Variants in ACACB observed in about 807,000 individuals in gnomAD.
ACACB encodes the protein acetyl-CoA carboxylase 2.
Under a neutral mutation model 278.8 loss-of-function variants are expected in ACACB, and 209 were observed. The ratio of observed to expected loss-of-function variants is 0.75; its 90% confidence interval spans 0.67 to 0.84. The LOEUF (loss-of-function observed/expected upper bound fraction) is 0.84, where lower values mean the gene tolerates loss of function less well. Ranked by LOEUF, ACACB falls within the 40% of genes least tolerant of loss-of-function variation. The pLI is 0.00. For synonymous variants in ACACB, 1,174 were observed against 1,285.6 expected (o/e 0.91, Z 1.86); for missense variants, 2,850 against 3,269.0 (o/e 0.87, Z 3.13).
chr12:109,212,996 C>G, intron 22 of ACACB, 60 bp downstream of exon 22: 1 of 1,466,498 alleles, frequency 6.8e-7, no homozygotes. Flanking sequence ...ATGCATTGCA[C>G]CAGGGTGGTG....
intron 42 of ACACB, 181 bp downstream of exon 42, chr12:109,252,337 T>A: frequency 2.1e-6 from 1 of 479,146 alleles, no homozygotes; most frequent in Non-Finnish European, 3.7e-6. Flanking sequence ...AAAAAATTAG[T>A]TTTAGGCAAT....
Position 109,188,090 on chromosome 12 carries a change from G to A in ACACB, c.2072G>A (p.Gly691Asp). 6.2e-7 allele frequency: 1 copy of A among 1,613,558 alleles called. No homozygotes were observed. Among genetic ancestry groups the A allele is most frequent in the Non-Finnish European group, 8.5e-7 (1 of 1,179,518 alleles). Reference sequence around the variant, plus strand: ...TACTTCAGCGTGGCCGCTACTGGAGGCCTGCACGAGTTTGCGGATTCCCAA... The same window carrying A: ...TACTTCAGCGTGGCCGCTACTGGAGACCTGCACGAGTTTGCGGATTCCCAA... ...WGYFSVAATG[G>D]LHEFADSQFG... Residue 691 changes from glycine (G) to aspartate (D), a missense_variant, in exon 13 of 53, where the codon GGC becomes GAC. Coordinates refer to ENST00000338432, the MANE Select transcript of ACACB (RefSeq NM_001093.4).
chr12:109,169,408 G>C (rs576181863), intron 4 of ACACB, among the ~76,000 whole-genome samples: 1 of 152,162 alleles, frequency 6.6e-6, no homozygotes, highest in African/African-American at 2.4e-5. Context: ...CATGTGATGC[G>C]GGTGGGATGG....
At chr12:109,152,560 C>T (rs2043401691) in intron 2 of ACACB, among the ~76,000 whole-genome samples, 4 of 151,204 alleles carry the variant, frequency 2.6e-5, no homozygotes, top group Admixed American at 1.3e-4. Flanking sequence ...TAAACAGGGG[C>T]CCAGGGTGTT....
At chr12:109,191,371 G>T in intron 13 of ACACB, 1 of 382,894 alleles carries the variant, frequency 2.6e-6, no homozygotes, top group Non-Finnish European at 5.0e-6. Flanking sequence ...CCTCCACCAT[G>T]CTGAGCTAAG....
At chr12:109,236,157 G>T (rs527718341) in intron 33 of ACACB, 1 of 156,046 alleles carries the variant, frequency 6.4e-6, no homozygotes, top group South Asian at 2.0e-4. Context: ...TGATATTCAT[G>T]AAGAATATAG....
chr12:109,144,810 G>A (rs1193404496), intron 2 of ACACB, among the ~76,000 whole-genome samples: 1 of 134,632 alleles, frequency 7.4e-6, no homozygotes, highest in African/African-American at 2.8e-5. Flanking sequence ...GCTGGAGGCT[G>A]GAGTGCAATG....
At chr12:109,247,527 T>G (rs1364568011) in intron 39 of ACACB, 79 bp from the exon 40 acceptor site, 1 of 961,096 alleles carries the variant, frequency 1.0e-6, no homozygotes, top group Non-Finnish European at 1.7e-6. Flanking sequence ...ATCCCTACGA[T>G]GTTCACATTA....
chr12:109,250,873 G>A (rs143536777), intron 41 of ACACB, among the ~76,000 whole-genome samples: 1 of 152,298 alleles, frequency 6.6e-6, no homozygotes, highest in Non-Finnish European at 1.5e-5. Context: ...GGCAACCTGA[G>A]AGATCCAAGT....
chr12:109,167,936 T>C lies in ACACB; in HGVS notation c.827T>C (p.Met276Thr), dbSNP rs368005004. ...AACGGGATTGCCGCCGTGAAGTGCA[T>C]GCGCTCCATCCGCAGGTGGGCCTAT... Reference protein sequence around the residue: ...ANNGIAAVKCMRSIRRWAYEM... With the variant: ...ANNGIAAVKCTRSIRRWAYEM... The change falls in exon 4 of 53, where the codon ATG (methionine) becomes ACG (threonine). Residue 276 changes from methionine (M) to threonine (T), a missense_variant. Met to Thr is a moderately conservative substitution (Grantham distance 81, BLOSUM62 -1). Around this residue, in one of 3 missense-constraint regions of ACACB, gnomAD observed 2,265 missense variants for 2,561.3 expected, o/e 0.88. Coordinates refer to ENST00000338432, the MANE Select transcript of ACACB (RefSeq NM_001093.4). 12 of 1,613,878 alleles carry C rather than the reference T, an allele frequency of 7.4e-6. No homozygotes were observed. Among genetic ancestry groups the C allele is most frequent in the Non-Finnish European group, 9.3e-6 (11 of 1,179,982 alleles).
rs573960328 is a variant in ACACB at position 109,191,215 on chromosome 12, C to CTT, written c.2145-384_2145-383dup. Among the ~76,000 whole-genome samples the CTT allele has an allele frequency of 5.2e-3, 710 of 137,050 alleles. 5 individuals are homozygous for CTT. The highest frequency in any genetic ancestry group is 6.6e-3 in the African/African-American group (238 of 36,270). 89.9% of individuals were successfully genotyped at this position (137,050 alleles called of 152,430 possible). ...CAGTCAGAGCCCTCTCTTAACTCTT[C>CTT]TTTTTTTTTTTTTTTGGAGACAGAG... On this transcript the variant is annotated intron_variant, in intron 13 of 52. Transcript: ENST00000338432.
chr12:109,253,495 C>T (rs1208668195), intron 43 of ACACB, among the ~76,000 whole-genome samples: 3 of 152,198 alleles, frequency 2.0e-5, no homozygotes, highest in Admixed American at 2.0e-4. Flanking sequence ...CTGCCTTCCT[C>T]CTCGGTAGCT....
intron 41 of ACACB, among the ~76,000 whole-genome samples, chr12:109,250,899 T>A (rs1463472022): frequency 6.6e-6 from 1 of 152,060 alleles, no homozygotes; most frequent in African/African-American, 2.4e-5. Context: ...ATCCAACCCT[T>A]TTGAGGTTTT....
Position 109,201,648 on chromosome 12 carries a change from G to T in ACACB, c.2860G>T (p.Ala954Ser), listed in dbSNP as rs1371962054. 1.9e-6 allele frequency: 3 copies of T among 1,614,094 alleles called. No individual in the cohort carries two copies. Among genetic ancestry groups the T allele is most frequent in the Middle Eastern group, 1.6e-4 (1 of 6,084 alleles). Reference protein sequence around the residue: ...YIKRPGAVLEAGCVVARLELD... With the variant: ...YIKRPGAVLESGCVVARLELD... ...CAAGCGTCCAGGTGCCGTGCTGGAA[G>T]CAGGCTGCGTGGTGGCCAGGCTGGA... The change falls in exon 19 of 53, where the codon GCA (alanine) becomes TCA (serine). Residue 954 changes from alanine to serine, a missense_variant. Around this residue, in one of 3 missense-constraint regions of ACACB, gnomAD observed 2,265 missense variants for 2,561.3 expected, o/e 0.88. Coordinates refer to ENST00000338432, the MANE Select transcript of ACACB (RefSeq NM_001093.4).
intron 37 of ACACB, among the ~76,000 whole-genome samples, chr12:109,245,108 C>T (rs2046904555): frequency 1.3e-5 from 2 of 151,504 alleles, no homozygotes; most frequent in African/African-American, 2.4e-5. Context: ...TCACTGAATC[C>T]GGGAGGCAGA....
chr12:109,148,423 C>T (rs2043294868), intron 2 of ACACB, among the ~76,000 whole-genome samples: 1 of 152,018 alleles, frequency 6.6e-6, no homozygotes, highest in South Asian at 2.1e-4. Context: ...CTGTGGGGTG[C>T]GCATGTGGAC....
chr12:109,158,088 C>T (rs1022975411), intron 2 of ACACB, among the ~76,000 whole-genome samples: 3 of 152,068 alleles, frequency 2.0e-5, no homozygotes, highest in African/African-American at 4.8e-5. Flanking sequence ...GATGGGACCC[C>T]GACATCAGAA....
intron 6 of ACACB, 142 bp from the exon 7 acceptor site, chr12:109,173,982 AGGTTAAGC>A: frequency 1.8e-6 from 1 of 571,112 alleles, no homozygotes; most frequent in South Asian, 2.4e-5. Flanking sequence ...CCCTGACATG[AGGTTAAGC>A]TCCTTGAGAG....
At chr12:109,257,939 G>T (rs566124283) in intron 45 of ACACB, among the ~76,000 whole-genome samples, 1 of 152,150 alleles carries the variant, frequency 6.6e-6, no homozygotes, top group African/African-American at 2.4e-5. Flanking sequence ...CACTTGCCAC[G>T]TTCCACGTGC....
Sources: gnomAD v4.1 joint callset for allele counts (sites outside exome capture counted in the v4.1 genomes callset) on GRCh38, gnomAD v4.1.1 for gene constraint, gnomAD v4.1.1 regional missense constraint, MANE v1.5 for transcripts, NCBI Gene and HGNC (gene_info 2026-07-23, HGNC 2026-07-21) for gene names.